DACH1: variants seen among roughly 807,000 people sequenced by gnomAD.
DACH1 encodes dachshund homolog 1.
A neutral mutation model predicts 54.2 loss-of-function variants in DACH1; 12 were observed. The observed-to-expected ratio is 0.22, with a 90% CI of 0.14 to 0.36. The LOEUF (loss-of-function observed/expected upper bound fraction) is 0.36, where lower values mean the gene tolerates loss of function less well. Among genes scored for constraint, DACH1 ranks in the 10% least tolerant of loss-of-function variants. The probability of loss-of-function intolerance (pLI) is 1.00; values close to 1 mark genes in which losing one functional copy is unlikely to be tolerated. For synonymous variants in DACH1, 386 were observed against 366.2 expected (o/e 1.05, Z -0.62); for missense variants, 805 against 929.8 (o/e 0.87, Z 1.75).
At chr13:71,780,181 G>A (rs1290910216) in intron 1 of DACH1, among the ~76,000 whole-genome samples, 1 of 152,098 alleles carries the variant, frequency 6.6e-6, no homozygotes, top group Non-Finnish European at 1.5e-5. Flanking sequence ...GAAAGAACGG[G>A]AGAGGCTTCC....
At chr13:71,493,710 A>G (rs1351969040) in intron 6 of DACH1, among the ~76,000 whole-genome samples, 1 of 152,306 alleles carries the variant, frequency 6.6e-6, no homozygotes, top group Non-Finnish European at 1.5e-5. Flanking sequence ...AGGACCACAC[A>G]AATGTAAAAT....
intron 1 of DACH1, among the ~76,000 whole-genome samples, chr13:71,801,638 A>AT (rs1887292307): frequency 6.6e-6 from 1 of 152,154 alleles, no homozygotes; most frequent in Non-Finnish European, 1.5e-5. Flanking sequence ...TTTCTTATTT[A>AT]GATATGAAAT....
intron 2 of DACH1, among the ~76,000 whole-genome samples, chr13:71,663,603 G>T (rs1292860235): frequency 6.6e-6 from 1 of 151,916 alleles, no homozygotes; most frequent in Non-Finnish European, 1.5e-5. Flanking sequence ...GCCAACATTT[G>T]CTTACTAGCC....
chr13:71,457,211 ACT>A (rs1013952841), intron 10 of DACH1, among the ~76,000 whole-genome samples: 1 of 151,940 alleles, frequency 6.6e-6, no homozygotes, highest in Non-Finnish European at 1.5e-5. Context: ...TTTGTTTATG[ACT>A]CTATTCAATG....
chr13:71,863,510 A>C (rs931472334), intron 1 of DACH1, among the ~76,000 whole-genome samples: 1 of 152,214 alleles, frequency 6.6e-6, no homozygotes, highest in African/African-American at 2.4e-5. Flanking sequence ...ACTGAAACAT[A>C]ATTACAGTAG....
intron 1 of DACH1, among the ~76,000 whole-genome samples, chr13:71,708,152 C>T (rs906935605): frequency 1.3e-5 from 2 of 151,604 alleles, no homozygotes; most frequent in Admixed American, 6.6e-5. Flanking sequence ...AATAAAAACC[C>T]TGATTAAGGG....
chr13:71,756,182 C>T (rs2137992771), intron 1 of DACH1, among the ~76,000 whole-genome samples: 1 of 152,174 alleles, frequency 6.6e-6, no homozygotes, highest in African/African-American at 2.4e-5. Flanking sequence ...AGGCACATGC[C>T]ACCACACTCG....
chr13:71,725,071 CTG>C (rs1283566787), intron 1 of DACH1, among the ~76,000 whole-genome samples: 1 of 151,596 alleles, frequency 6.6e-6, no homozygotes, highest in East Asian at 1.9e-4. Context: ...GAAACTGAAA[CTG>C]TAAAAAAAAA....
intron 1 of DACH1, among the ~76,000 whole-genome samples, chr13:71,802,499 T>C (rs572711917): frequency 2.8e-4 from 42 of 152,130 alleles, no homozygotes; most frequent in Middle Eastern, 3.4e-3. Context: ...AAATTTCAGC[T>C]TGAAGATGAA....
At chr13:71,572,701 CA>C in intron 4 of DACH1, 138 bp downstream of exon 4, 1 of 897,606 alleles carries the variant, frequency 1.1e-6, no homozygotes, top group Non-Finnish European at 1.6e-6. Context: ...CCATTTGCTA[CA>C]AGTGATTTTT....
At chr13:71,582,652 AAAT>A (rs1872933984) in intron 3 of DACH1, among the ~76,000 whole-genome samples, 1 of 152,142 alleles carries the variant, frequency 6.6e-6, no homozygotes, top group South Asian at 2.1e-4. Flanking sequence ...AGGACCATTG[AAAT>A]AATATTATAT....
At chr13:71,760,765 G>A (rs1415383591) in intron 1 of DACH1, among the ~76,000 whole-genome samples, 2 of 152,122 alleles carry the variant, frequency 1.3e-5, no homozygotes, top group Admixed American at 6.5e-5. Flanking sequence ...AAAATTCTAT[G>A]TGTCTTTTTT....
In DACH1 at chr13:71,630,975, G is replaced by A. The variant is rs78617388; in HGVS notation, c.965-258C>T. Among the ~76,000 whole-genome samples, 736 of 152,214 alleles carry A rather than the reference G, an allele frequency of 4.8e-3. 6 individuals carry two copies. The highest frequency in any genetic ancestry group is 8.0e-3 in the Non-Finnish European group (543 of 67,996). On this transcript the variant is annotated intron_variant, in intron 2 of 10. Transcript: ENST00000613252. ...AGAAGGCTAATAGTGGAAATGCAGC[G>A]ACAGTTATCTCTTAAAGAAACCAAT...
At position 71,790,450 on chromosome 13, in the gene DACH1, T is replaced by TCTTTTGA. The variant is rs1385516608; in HGVS notation, c.848+75471_848+75472insTCAAAAG. Reference sequence around the variant, plus strand: ...AACATGACTCTTTTGATGACTTGACTTAGAGTTTCACGTTTTGGCCTTTGG... The same window carrying TCTTTTGA: ...AACATGACTCTTTTGATGACTTGACTCTTTTGATAGAGTTTCACGTTTTGGCCTTTGG... On this transcript the variant is annotated intron_variant, in intron 1 of 10. Transcript: ENST00000613252. Among the ~76,000 whole-genome samples the TCTTTTGA allele has an allele frequency of 9.8e-5, 15 of 152,310 alleles. 1 individual carries two copies. In the South Asian group the frequency reaches 2.9e-3, roughly 29 times the overall value.
intron 1 of DACH1, among the ~76,000 whole-genome samples, chr13:71,683,774 A>C (rs1881023745): frequency 6.6e-6 from 1 of 152,032 alleles, no homozygotes; most frequent in African/African-American, 2.4e-5. Flanking sequence ...ATTTTCCTTG[A>C]GTGATCTCTT....
At chr13:71,486,115 A>C (rs1388459458) in intron 7 of DACH1, among the ~76,000 whole-genome samples, 1 of 151,962 alleles carries the variant, frequency 6.6e-6, no homozygotes, top group African/African-American at 2.4e-5. Context: ...CATGGAAAGG[A>C]CATCTGTGGT....
At chr13:71,582,873 C>T (rs1872947813) in intron 3 of DACH1, among the ~76,000 whole-genome samples, 2 of 152,166 alleles carry the variant, frequency 1.3e-5, no homozygotes, top group African/African-American at 4.8e-5. Context: ...GGAAAGAATA[C>T]TTAGGATCAG....
At chr13:71,783,571 A>C (rs753297295) in intron 1 of DACH1, among the ~76,000 whole-genome samples, 1 of 152,166 alleles carries the variant, frequency 6.6e-6, no homozygotes, top group Non-Finnish European at 1.5e-5. Flanking sequence ...AGGGAACCAG[A>C]ATACAGAAAC....
chr13:71,533,814 A>G (rs1034299174), intron 6 of DACH1, among the ~76,000 whole-genome samples: 6 of 151,884 alleles, frequency 4.0e-5, no homozygotes, highest in African/African-American at 1.4e-4. Flanking sequence ...ATAGCTAGGT[A>G]TCCAGAATAA....
Sources: allele counts gnomAD v4.1 joint callset (sites outside exome capture counted in the v4.1 genomes callset), GRCh38; gene constraint gnomAD v4.1.1; transcripts MANE v1.5; gene names NCBI Gene and HGNC (gene_info 2026-07-23, HGNC 2026-07-21).